The following ADARB2 variants were observed in gnomAD, a reference collection of about 807,000 sequenced individuals.
ADARB2 encodes adenosine deaminase RNA specific B2 (inactive).
In ADARB2, 25 loss-of-function variants were observed where a neutral mutation model predicts 62.2. The observed-to-expected ratio is 0.40, with a 90% confidence interval of 0.29 to 0.56. The LOEUF is 0.56. Among genes scored for constraint, ADARB2 ranks in the 20% least tolerant of loss-of-function variants. The pLI is 0.43. For missense variants in ADARB2, 1,071 were observed against 1,077.4 expected, an observed-to-expected ratio of 0.99 and a Z score of 0.08; for synonymous variants, 572 against 500.8, an observed-to-expected ratio of 1.14 and a Z score of -1.90.
intron 1 of ADARB2, among the ~76,000 whole-genome samples, chr10:1,446,257 C>T (rs547735934): frequency 2.6e-5 from 4 of 152,306 alleles, no homozygotes; most frequent in Admixed American, 6.5e-5. Flanking sequence ...TTTATGACTA[C>T]GACTACCTCA....
intron 1 of ADARB2, among the ~76,000 whole-genome samples, chr10:1,521,653 C>T (rs1193757486): frequency 6.6e-6 from 1 of 152,224 alleles, no homozygotes; most frequent in Non-Finnish European, 1.5e-5. Flanking sequence ...CTTCGATCTC[C>T]ACCAACTCTT....
In ADARB2 at chr10:1,704,090, T is replaced by C. The variant is rs558747189; in HGVS notation, c.100+32961A>G. Among the ~76,000 whole-genome samples the C allele has an allele frequency of 6.6e-6, 1 of 152,308 alleles. No individual in the cohort carries two copies. Among genetic ancestry groups the C allele is most frequent in the African/African-American group, 2.4e-5 (1 of 41,568 alleles). On this transcript the variant is annotated intron_variant, in intron 1 of 9. Coordinates refer to ENST00000381312, the MANE Select transcript of ADARB2 (RefSeq NM_018702.4). The surrounding 1 kb of genome is among the most constrained non-coding windows in gnomAD (Gnocchi z 5.6). ...TATCTAACTTCCTGTGGGTCAGGAA[T>C]CCAGGAGCAGCCTCACTCTTGCTGT...
At chr10:1,470,000 G>A (rs1454437551) in intron 1 of ADARB2, among the ~76,000 whole-genome samples, 1 of 151,826 alleles carries the variant, frequency 6.6e-6, no homozygotes, top group Non-Finnish European at 1.5e-5. Context: ...GCGTGCCTGG[G>A]AGCCCGGGTA....
intron 1 of ADARB2, among the ~76,000 whole-genome samples, chr10:1,623,163 C>A (rs1833727154): frequency 6.6e-6 from 1 of 152,096 alleles, no homozygotes; most frequent in Admixed American, 6.5e-5. Context: ...TTGCCCAGGG[C>A]TGGGGGTGGG....
chr10:1,668,858 T>A (rs867121332), intron 1 of ADARB2, among the ~76,000 whole-genome samples: 1 of 152,214 alleles, frequency 6.6e-6, no homozygotes. Flanking sequence ...GCTGCTTCTG[T>A]TACATCCAGG....
intron 3 of ADARB2, among the ~76,000 whole-genome samples, chr10:1,334,464 T>A (rs1831956053): frequency 6.6e-6 from 1 of 152,196 alleles, no homozygotes; most frequent in African/African-American, 2.4e-5. Flanking sequence ...TGCACACACA[T>A]GTGCAAGTGT....
chr10:1,600,861 C>T (rs1833403394), intron 1 of ADARB2, among the ~76,000 whole-genome samples: 1 of 152,038 alleles, frequency 6.6e-6, no homozygotes, highest in Non-Finnish European at 1.5e-5. Context: ...ATGCTAAATC[C>T]CTCCTCCCAG....
At chr10:1,351,495 TC>T (rs1472393367) in intron 3 of ADARB2, among the ~76,000 whole-genome samples, 1 of 151,976 alleles carries the variant, frequency 6.6e-6, no homozygotes, top group Non-Finnish European at 1.5e-5. Context: ...CCTGCCCAGT[TC>T]CCTTATTAGG....
chr10:1,598,492 T>G (rs569863228), intron 1 of ADARB2, among the ~76,000 whole-genome samples: 1 of 152,360 alleles, frequency 6.6e-6, no homozygotes, highest in East Asian at 1.9e-4. Context: ...CTTGCTCAGA[T>G]GCCCACAGTA....
At chr10:1,188,378 T>C (rs889203576) in intron 8 of ADARB2, 1 of 152,234 alleles carries the variant, frequency 6.6e-6, no homozygotes, top group African/African-American at 2.4e-5. Flanking sequence ...AATCACCTAA[T>C]TGTGTCCAGG....
At chr10:1,723,545 A>G (rs927962317) in intron 1 of ADARB2, among the ~76,000 whole-genome samples, 1 of 151,944 alleles carries the variant, frequency 6.6e-6, no homozygotes, top group African/African-American at 2.4e-5. Flanking sequence ...GGTCCTTTTT[A>G]CCTCCCCATA....
At chr10:1,341,759 A>G (rs1043586274) in intron 3 of ADARB2, among the ~76,000 whole-genome samples, 4 of 152,122 alleles carry the variant, frequency 2.6e-5, no homozygotes, top group African/African-American at 9.7e-5. Flanking sequence ...TCCACCAGAG[A>G]ACAAAGTGTC....
chr10:1,279,769 C>T lies in ADARB2; in HGVS notation c.1078-8700G>A, dbSNP rs748452709. ...CCTCTTTCTCTCTCTTGGAAAGGGA[C>T]GTCTACTCCATGCTTGGCTCACTGT... is the stretch of plus-strand genomic sequence containing the variant. On this transcript the variant is annotated intron_variant, in intron 3 of 9. Coordinates refer to ENST00000381312, the MANE Select transcript of ADARB2 (RefSeq NM_018702.4). Among the ~76,000 whole-genome samples the T allele has an allele frequency of 8.8e-4, 134 of 152,236 alleles. 2 individuals are homozygous for T. Among genetic ancestry groups the T allele is most frequent in the Non-Finnish European group, 6.9e-4 (47 of 68,026 alleles).
chr10:1,249,962 C>A (rs1831021809), intron 4 of ADARB2, among the ~76,000 whole-genome samples: 1 of 151,326 alleles, frequency 6.6e-6, no homozygotes. Context: ...AAAATGACTC[C>A]ATTTATAATG....
intron 4 of ADARB2, among the ~76,000 whole-genome samples, chr10:1,267,525 A>G (rs757200691): frequency 1.2e-4 from 19 of 152,206 alleles, no homozygotes; most frequent in Admixed American, 6.5e-4. Context: ...GTTCTCTGGG[A>G]GAGAGGCAGG....
chr10:1,660,912 G>A (rs1474924652), intron 1 of ADARB2, among the ~76,000 whole-genome samples: 1 of 152,098 alleles, frequency 6.6e-6, no homozygotes, highest in Non-Finnish European at 1.5e-5. Flanking sequence ...CAAAACATCA[G>A]CCTAATGGCT....
chr10:1,708,199 T>C (rs539121315), intron 1 of ADARB2, among the ~76,000 whole-genome samples: 1 of 152,264 alleles, frequency 6.6e-6, no homozygotes. Context: ...TATCTTTTGA[T>C]GCCTGTTCAA....
intron 3 of ADARB2, among the ~76,000 whole-genome samples, chr10:1,283,201 C>G (rs1486698139): frequency 6.6e-6 from 1 of 152,210 alleles, no homozygotes. Flanking sequence ...TTCTCCTGTA[C>G]ATGTCATACA....
chr10:1,206,354 C>T (rs368606732), intron 7 of ADARB2, among the ~76,000 whole-genome samples: 11 of 151,494 alleles, frequency 7.3e-5, no homozygotes, highest in East Asian at 5.9e-4. Flanking sequence ...TGTGCCTGTG[C>T]GTCTGAGAGA....
Sources: allele counts gnomAD v4.1 joint callset (sites outside exome capture counted in the v4.1 genomes callset), GRCh38; gene constraint gnomAD v4.1.1; non-coding constraint Gnocchi (gnomAD v3.1); transcripts MANE v1.5; gene names NCBI Gene and HGNC (gene_info 2026-07-23, HGNC 2026-07-21).